IRAK1BP1: variants seen among roughly 807,000 people sequenced by gnomAD.
IRAK1BP1 encodes interleukin 1 receptor associated kinase 1 binding protein 1.
In IRAK1BP1, 24 loss-of-function variants were observed where a neutral mutation model predicts 28.0. The observed-to-expected ratio is 0.86, with a 90% confidence interval of 0.62 to 1.20. The LOEUF (loss-of-function observed/expected upper bound fraction) is 1.20. Among genes scored for constraint, IRAK1BP1 ranks in the 50% most tolerant of loss-of-function variants. The pLI, the probability that IRAK1BP1 is intolerant of heterozygous loss-of-function variation, is 0.00. For synonymous variants in IRAK1BP1, 131 were observed against 116.3 expected (o/e 1.13, Z -0.81); for missense variants, 336 against 316.7 (o/e 1.06, Z -0.46).
At chr6:78,907,965 G>A (rs1004330042), downstream of IRAK1BP1, among the ~76,000 whole-genome samples, 1 of 151,792 alleles carries the variant, frequency 6.6e-6, no homozygotes, top group Non-Finnish European at 1.5e-5. Flanking sequence ...TGATCCGCCC[G>A]CCTCAGCCTC....
the IRAK1BP1 span, among the ~76,000 whole-genome samples, chr6:78,975,596 A>T: frequency 1.3e-5 from 2 of 152,342 alleles, no homozygotes; most frequent in East Asian, 3.9e-4. Context: ...CCCTGTTTGC[A>T]GATGACATGA....
intron 2 of IRAK1BP1, 85 bp downstream of exon 2, chr6:78,885,528 A>G (rs1663219557): frequency 1.6e-6 from 1 of 608,522 alleles, no homozygotes; most frequent in Non-Finnish European, 2.9e-6. Flanking sequence ...ATGGTGAAAA[A>G]TGCTTCTCAT....
intron 2 of IRAK1BP1, among the ~76,000 whole-genome samples, chr6:78,891,030 G>C (rs528869110): frequency 6.6e-6 from 1 of 152,286 alleles, no homozygotes; most frequent in East Asian, 1.9e-4. Flanking sequence ...AGATTCAGGG[G>C]ACAGGAGGAC....
At chr6:78,878,993 ATG>A (rs1448614269) in intron 1 of IRAK1BP1, among the ~76,000 whole-genome samples, 3 of 152,224 alleles carry the variant, frequency 2.0e-5, no homozygotes, top group Non-Finnish European at 4.4e-5. Context: ...ATATGCGACT[ATG>A]TGAAAAGACC....
chr6:78,922,789 AT>A (rs1772775580), intron 4 of IRAK1BP1, among the ~76,000 whole-genome samples: 2 of 152,330 alleles, frequency 1.3e-5, no homozygotes, highest in South Asian at 4.1e-4. Flanking sequence ...AAAGAAAAGA[AT>A]TTTCAACCCA....
At chr6:78,910,813 C>T (rs1772391915) in intron 4 of IRAK1BP1, among the ~76,000 whole-genome samples, 1 of 152,244 alleles carries the variant, frequency 6.6e-6, no homozygotes, top group South Asian at 2.1e-4. Flanking sequence ...GTCGCAGTTC[C>T]AGGGCGCTCC....
At chr6:78,877,895 A>T (rs1771065016) in intron 1 of IRAK1BP1, among the ~76,000 whole-genome samples, 1 of 152,066 alleles carries the variant, frequency 6.6e-6, no homozygotes, top group African/African-American at 2.4e-5. Flanking sequence ...TCTTGCTGCT[A>T]GCACAGCAGT....
intron 2 of IRAK1BP1, among the ~76,000 whole-genome samples, chr6:78,887,363 T>C (rs1452649178): frequency 1.3e-5 from 2 of 152,040 alleles, no homozygotes; most frequent in Non-Finnish European, 2.9e-5. Context: ...AGAATGGCTA[T>C]TATCAAAAAA....
chr6:78,924,435 A>G (rs960187754), intron 4 of IRAK1BP1, among the ~76,000 whole-genome samples: 3 of 152,206 alleles, frequency 2.0e-5, no homozygotes, highest in African/African-American at 7.2e-5. Flanking sequence ...ATAGCCTACC[A>G]AACAAAAAAA....
At chr6:78,873,431 A>G (rs532507711) in intron 1 of IRAK1BP1, among the ~76,000 whole-genome samples, 149 of 151,832 alleles carry the variant, frequency 9.8e-4, no homozygotes, top group African/African-American at 3.3e-3. Context: ...CTACCTTTGT[A>G]TATAATGTTT....
At chr6:78,949,950 A>G (rs556924953), downstream of IRAK1BP1, among the ~76,000 whole-genome samples, 3 of 152,254 alleles carry the variant, frequency 2.0e-5, no homozygotes, top group South Asian at 2.1e-4. Flanking sequence ...TGGCCTCCCA[A>G]AGTGCTGGGA....
chr6:78,951,563 T>C, the IRAK1BP1 span, among the ~76,000 whole-genome samples: 372 of 152,300 alleles, frequency 2.4e-3, 1 homozygote, highest in African/African-American at 8.7e-3. Flanking sequence ...TCTGTGACAG[T>C]AATTAACAAA....
In IRAK1BP1 at chr6:78,923,461, A is replaced by G. The variant is rs533698514; in HGVS notation, c.*67+20351A>G. On this transcript the variant is annotated intron_variant and NMD_transcript_variant, in intron 4 of 4. Transcript: ENST00000606868. ...ACAAAGAGACTTTGACTCCCACACA[A>G]TAATAATGGGAGACTTTAACACCCC... 2.6e-5 allele frequency among the ~76,000 whole-genome samples: 4 copies of G among 152,268 alleles called. No homozygotes were observed. The East Asian group carries it at 7.7e-4, about 29-fold the overall frequency.
downstream of IRAK1BP1, among the ~76,000 whole-genome samples, chr6:78,907,208 C>G (rs1772284330): frequency 6.6e-6 from 1 of 152,158 alleles, no homozygotes; most frequent in Admixed American, 6.5e-5. Context: ...CCTTAAAATG[C>G]TAGGTGTTTT....
At chr6:78,974,190 A>T in the IRAK1BP1 span, among the ~76,000 whole-genome samples, 167 of 152,324 alleles carry the variant, frequency 1.1e-3, 1 homozygote, top group African/African-American at 3.7e-3. Flanking sequence ...CAGACCACAG[A>T]GCAATCAAAC....
At chr6:78,872,228 G>A in intron 1 of IRAK1BP1, 1 of 624,852 alleles carries the variant, frequency 1.6e-6, no homozygotes, top group South Asian at 1.9e-5. Flanking sequence ...ATCCTTTAGT[G>A]CCTTTCTTTC....
chr6:78,921,188 T>C (rs551666670), intron 4 of IRAK1BP1, among the ~76,000 whole-genome samples: 1 of 152,054 alleles, frequency 6.6e-6, no homozygotes, highest in Non-Finnish European at 1.5e-5. Context: ...AGGAAAGGGG[T>C]GACAGATGGC....
the IRAK1BP1 span, among the ~76,000 whole-genome samples, chr6:78,973,197 G>C: frequency 3.3e-5 from 5 of 152,094 alleles, no homozygotes; most frequent in African/African-American, 1.2e-4. Flanking sequence ...AACTCTACAA[G>C]CCAGAAGAGA....
In IRAK1BP1 at chr6:78,894,465, T is replaced by G. The variant is rs574435985; in HGVS notation, c.382-3364T>G. Among the ~76,000 whole-genome samples the G allele has an allele frequency of 1.6e-4, 24 of 152,226 alleles. 1 individual carries two copies. In the East Asian group the frequency reaches 4.4e-3, roughly 28 times the overall value. The stretch of plus-strand genomic sequence containing the variant: ...TCAAAGTAGATTTCAGAGCAAAGAC[T>G]ATGAAAGATAAAGACAGTCATTTCA... On this transcript the variant is annotated intron_variant, in intron 2 of 3. Coordinates refer to ENST00000369940, the MANE Select transcript of IRAK1BP1 (RefSeq NM_001010844.4).
Sources: gnomAD v4.1 joint callset for allele counts (sites outside exome capture counted in the v4.1 genomes callset) on GRCh38, gnomAD v4.1.1 for gene constraint, MANE v1.5 for transcripts, NCBI Gene and HGNC (gene_info 2026-07-23, HGNC 2026-07-21) for gene names.